The following PHACTR3 variants were observed in gnomAD, a reference collection of about 807,000 sequenced individuals.
PHACTR3 encodes phosphatase and actin regulator 3, also known as protein phosphatase 1, regulatory subunit 123.
PHACTR3 carries 16 observed loss-of-function variants against 66.8 expected under a neutral mutation model. The observed-to-expected ratio is 0.24, with a 90% CI of 0.16 to 0.36. PHACTR3 has a LOEUF of 0.36. Among genes scored for constraint, PHACTR3 ranks in the 10% least tolerant of loss-of-function variants. The pLI is 1.00. For synonymous variants in PHACTR3, 323 were observed against 292.1 expected, an observed-to-expected ratio of 1.11 and a Z score of -1.08; for missense variants, 647 against 719.9, an observed-to-expected ratio of 0.90 and a Z score of 1.16.
chr20:59,628,577 T>C (rs2034547098), intron 1 of PHACTR3: 2 of 979,034 alleles, frequency 2.0e-6, no homozygotes, highest in Non-Finnish European at 2.4e-6. Context: ...CGAGCCCTGT[T>C]CTCTCCCCGA....
At chr20:59,669,644 G>A (rs770643505) in intron 1 of PHACTR3, among the ~76,000 whole-genome samples, 2 of 152,098 alleles carry the variant, frequency 1.3e-5, no homozygotes, top group African/African-American at 2.4e-5. Flanking sequence ...CCTTTCCCCC[G>A]GCCCCTGGCC....
intron 7 of PHACTR3, among the ~76,000 whole-genome samples, chr20:59,789,478 A>G (rs2041025026): frequency 1.3e-4 from 1 of 7,500 alleles, no homozygotes; most frequent in Admixed American, 1.6e-3. Context: ...TGAATGCAAC[A>G]GACTTGAAAT....
intron 1 of PHACTR3, among the ~76,000 whole-genome samples, chr20:59,664,823 C>T (rs2035930943): frequency 6.6e-6 from 1 of 152,196 alleles, no homozygotes; most frequent in South Asian, 2.1e-4. Flanking sequence ...TTTCACAAGT[C>T]AGCCCCTGAA....
intron 1 of PHACTR3, among the ~76,000 whole-genome samples, chr20:59,707,895 G>A (rs2146634667): frequency 6.6e-6 from 1 of 152,308 alleles, no homozygotes; most frequent in African/African-American, 2.4e-5. Context: ...AGAACCATGA[G>A]CCAAATAAAC....
intron 1 of PHACTR3, among the ~76,000 whole-genome samples, chr20:59,632,237 C>A: frequency 6.6e-6 from 1 of 152,144 alleles, no homozygotes; most frequent in East Asian, 1.9e-4. Context: ...AGGGGAGGTC[C>A]TAGTAGCCCA....
intron 1 of PHACTR3, among the ~76,000 whole-genome samples, chr20:59,683,313 G>T (rs778306265): frequency 6.6e-6 from 1 of 152,174 alleles, no homozygotes; most frequent in African/African-American, 2.4e-5. Flanking sequence ...TGACAAATTG[G>T]CAATTGGCTG....
intron 1 of PHACTR3, among the ~76,000 whole-genome samples, chr20:59,698,946 G>A (rs1231592187): frequency 6.6e-6 from 1 of 152,140 alleles, no homozygotes; most frequent in African/African-American, 2.4e-5. Flanking sequence ...ATGCTGCCTG[G>A]TAAGTACATT....
At chr20:59,584,277 C>T (rs2032951741) in intron 1 of PHACTR3, among the ~76,000 whole-genome samples, 2 of 150,378 alleles carry the variant, frequency 1.3e-5, no homozygotes, top group African/African-American at 2.4e-5. Context: ...TTTGTGAGGC[C>T]GTGCAAGAGT....
In PHACTR3 at chr20:59,719,204, C is replaced by G. The variant is rs542963326; in HGVS notation, c.119-23903C>G. On this transcript the variant is annotated intron_variant, in intron 1 of 12. Coordinates refer to ENST00000371015, the MANE Select transcript of PHACTR3 (RefSeq NM_080672.5). ...TTTTTGAAACAGAATCTCACTCTGT[C>G]CACCAGACTGGAGTGCAGTGGTGCG... is the stretch of plus-strand genomic sequence containing the variant. Among the ~76,000 whole-genome samples, 3 of 152,204 alleles carry G rather than the reference C, an allele frequency of 2.0e-5. No homozygotes were observed. In the East Asian group the frequency reaches 5.8e-4, roughly 29 times the overall value.
At chr20:59,670,826 G>A (rs2036171476) in intron 1 of PHACTR3, among the ~76,000 whole-genome samples, 1 of 152,172 alleles carries the variant, frequency 6.6e-6, no homozygotes, top group African/African-American at 2.4e-5. Flanking sequence ...TGTGGTTTCT[G>A]TCTCCAGAAC....
intron 1 of PHACTR3, among the ~76,000 whole-genome samples, chr20:59,642,315 CTT>C (rs11364649): frequency 2.4e-4 from 35 of 148,822 alleles, no homozygotes; most frequent in East Asian, 1.4e-3. Context: ...TTCTTTTAGA[CTT>C]TTTTTTTTTC....
In PHACTR3 at chr20:59,755,334, C is replaced by G. The variant is rs761097375; in HGVS notation, c.511C>G (p.Leu171Val). 2.5e-6 allele frequency: 4 copies of G among 1,613,664 alleles called. No homozygotes were observed. The South Asian group carries it at 3.3e-5, about 13-fold the overall frequency. ...GTDQVSLDKP[L>V]SSAAHLDDAA... ...GGACCAGGTCTCCCTGGACAAGCCA[C>G]TGTCCTCAGCTGCCCACTTGGACGA... The change falls in exon 4 of 13, where the codon CTG becomes GTG. Residue 171 changes from leucine (L) to valine (V), a missense_variant. By Grantham distance (32) the Leu-to-Val change is conservative (BLOSUM62 1). Transcript: ENST00000371015.
intron 1 of PHACTR3, among the ~76,000 whole-genome samples, chr20:59,733,707 G>C (rs2038847907): frequency 6.6e-6 from 1 of 152,042 alleles, no homozygotes; most frequent in South Asian, 2.1e-4. Context: ...TGTGCCCTGG[G>C]GTAATTATTT....
chr20:59,631,679 G>T (rs1271110208), intron 1 of PHACTR3, among the ~76,000 whole-genome samples: 1 of 152,140 alleles, frequency 6.6e-6, no homozygotes, highest in African/African-American at 2.4e-5. Context: ...AAAAGAAATG[G>T]AATTTCAAAT....
At chr20:59,619,746 A>T (rs548763812) in intron 1 of PHACTR3, among the ~76,000 whole-genome samples, 85 of 152,174 alleles carry the variant, frequency 5.6e-4, no homozygotes, top group Non-Finnish European at 1.1e-3. Flanking sequence ...CGGGGAGGGA[A>T]GTTTATTGCT....
intron 1 of PHACTR3, chr20:59,721,532 T>A (rs2038299058): frequency 6.6e-6 from 1 of 152,272 alleles, no homozygotes; most frequent in East Asian, 1.9e-4. Flanking sequence ...GGAAGAAAAG[T>A]GTAAGTTGTT....
intron 1 of PHACTR3, among the ~76,000 whole-genome samples, chr20:59,692,604 C>T (rs1366509376): frequency 2.6e-5 from 4 of 152,218 alleles, no homozygotes; most frequent in Non-Finnish European, 4.4e-5. Context: ...CTTCAAACAA[C>T]GCTTTGAGGT....
chr20:59,759,553 A>G (rs1473163630), intron 4 of PHACTR3, among the ~76,000 whole-genome samples: 2 of 152,092 alleles, frequency 1.3e-5, no homozygotes, highest in South Asian at 2.1e-4. Flanking sequence ...TTTGGAGCCA[A>G]TCCCTGTGTT....
At chr20:59,815,008 C>T (rs776391755) in intron 8 of PHACTR3, among the ~76,000 whole-genome samples, 17 of 152,058 alleles carry the variant, frequency 1.1e-4, no homozygotes, top group Non-Finnish European at 1.9e-4. Flanking sequence ...CTGAGTTCCC[C>T]GACTTCAGAG....
Sources: allele counts gnomAD v4.1 joint callset (sites outside exome capture counted in the v4.1 genomes callset), GRCh38; gene constraint gnomAD v4.1.1; transcripts MANE v1.5; gene names NCBI Gene and HGNC (gene_info 2026-07-23, HGNC 2026-07-21).